Variants in AUH observed in about 807,000 individuals in gnomAD.
The protein encoded by AUH is methylglutaconyl-CoA hydratase, mitochondrial.
AUH carries 29 observed loss-of-function variants against 42.3 expected under a neutral mutation model. The ratio of observed to expected loss-of-function variants is 0.69; its 90% CI spans 0.51 to 0.93. The LOEUF is 0.93. Ranked by LOEUF, AUH falls within the 40% of genes least tolerant of loss-of-function variation. AUH has a pLI of 0.00. For missense variants in AUH, 452 were observed against 438.1 expected (o/e 1.03, Z -0.28); for synonymous variants, 174 against 166.4 (o/e 1.05, Z -0.35).
At chr9:91,248,447 A>T (rs1828915894) in intron 6 of AUH, among the ~76,000 whole-genome samples, 1 of 152,242 alleles carries the variant, frequency 6.6e-6, no homozygotes. Flanking sequence ...AGTTCCTAAC[A>T]ATATTGGATT....
chr9:91,251,806 A>G (rs1371826657), intron 6 of AUH, among the ~76,000 whole-genome samples: 1 of 150,102 alleles, frequency 6.7e-6, no homozygotes, highest in Non-Finnish European at 1.5e-5. Context: ...TTATGTAATT[A>G]TAATGTGGTA....
chr9:91,235,537 T>C (rs1215272595), intron 6 of AUH, among the ~76,000 whole-genome samples: 1 of 152,090 alleles, frequency 6.6e-6, no homozygotes, highest in Non-Finnish European at 1.5e-5. Context: ...ACACAGAGAA[T>C]AAGGTTTACC....
At chr9:91,238,421 A>G (rs1214785840) in intron 6 of AUH, among the ~76,000 whole-genome samples, 1 of 152,214 alleles carries the variant, frequency 6.6e-6, no homozygotes, top group East Asian at 1.9e-4. Context: ...GAACTTGGCC[A>G]TGTGTAGCTG....
chr9:91,255,812 TTTA>T (rs1829376439), intron 6 of AUH, among the ~76,000 whole-genome samples: 1 of 152,162 alleles, frequency 6.6e-6, no homozygotes, highest in Non-Finnish European at 1.5e-5. Context: ...AGAAATGACA[TTTA>T]TTATTTATAA....
chr9:91,232,967 A>T (rs1197148546), intron 6 of AUH, among the ~76,000 whole-genome samples: 1 of 152,154 alleles, frequency 6.6e-6, no homozygotes, highest in Non-Finnish European at 1.5e-5. Context: ...GTTGTTTAGG[A>T]CCATTTTGGA....
intron 6 of AUH, among the ~76,000 whole-genome samples, chr9:91,271,073 A>G (rs1270873993): frequency 6.6e-6 from 1 of 152,204 alleles, no homozygotes; most frequent in Non-Finnish European, 1.5e-5. Flanking sequence ...CTTTAAAATA[A>G]TAATTTTTAA....
intron 6 of AUH, among the ~76,000 whole-genome samples, chr9:91,229,612 T>G (rs1381771120): frequency 1.9e-4 from 29 of 152,024 alleles, no homozygotes; most frequent in Middle Eastern, 3.4e-3. Context: ...GTTAGCTGGT[T>G]ATTTTGCTCG....
chr9:91,217,221 TA>T, intron 8 of AUH, 55 bp downstream of exon 8: 1 of 1,529,600 alleles, frequency 6.5e-7, no homozygotes, highest in Non-Finnish European at 9.0e-7. Flanking sequence ...ATGGTTCATT[TA>T]AATTAAATCT....
rs993741109 is a variant in AUH, at chr9:91,225,757, G to A, written c.656-4765C>T. On this transcript the variant is annotated intron_variant, in intron 6 of 9. Transcript: ENST00000375731. ...TGATTGTTCCCCTTCCTGTGTCCAC[G>A]TGGTCTCATTGTTCAATTCCCACCT... Among the ~76,000 whole-genome samples the A allele has an allele frequency of 4.2e-5, 6 of 141,676 alleles. No individual in the cohort carries two copies. In the South Asian group the frequency reaches 6.6e-4, roughly 16 times the overall value. The allele number at this position is 141,676 out of a possible 152,430, so 92.9% of individuals were successfully genotyped here.
At chr9:91,272,716 G>A (rs540211296) in intron 6 of AUH, among the ~76,000 whole-genome samples, 1 of 152,208 alleles carries the variant, frequency 6.6e-6, no homozygotes, top group South Asian at 2.1e-4. Flanking sequence ...GCTCTATGAA[G>A]GCTGGGGGTT....
chr9:91,219,435 G>A (rs371917086), intron 7 of AUH, among the ~76,000 whole-genome samples: 4 of 152,314 alleles, frequency 2.6e-5, no homozygotes, highest in East Asian at 3.9e-4. Flanking sequence ...ATACTCTCCT[G>A]ATACTTGTAC....
intron 3 of AUH, among the ~76,000 whole-genome samples, chr9:91,342,273 G>T (rs964273754): frequency 6.6e-6 from 1 of 152,130 alleles, no homozygotes; most frequent in African/African-American, 2.4e-5. Context: ...GCTTCCTGTT[G>T]TCATTTCTCC....
intron 6 of AUH, among the ~76,000 whole-genome samples, chr9:91,266,865 G>A (rs1032159564): frequency 6.6e-6 from 1 of 152,172 alleles, no homozygotes; most frequent in African/African-American, 2.4e-5. Context: ...TATATTTTAA[G>A]GGTTAGATAG....
At chr9:91,289,346 C>T (rs879438122) in intron 6 of AUH, among the ~76,000 whole-genome samples, 10 of 152,114 alleles carry the variant, frequency 6.6e-5, no homozygotes, top group Non-Finnish European at 1.3e-4. Context: ...TTTGAATTCT[C>T]CCCACTTATT....
chr9:91,343,143 T>A (rs1831229906), intron 3 of AUH: 1 of 152,152 alleles, frequency 6.6e-6, no homozygotes, highest in Non-Finnish European at 1.5e-5. Context: ...AGAAGTCAAG[T>A]TATAGGAGGA....
intron 6 of AUH, among the ~76,000 whole-genome samples, chr9:91,276,979 G>C (rs1469139768): frequency 6.6e-6 from 1 of 152,148 alleles, no homozygotes; most frequent in African/African-American, 2.4e-5. Flanking sequence ...GAGCCCAGGA[G>C]CTCAAGACCA....
intron 6 of AUH, among the ~76,000 whole-genome samples, chr9:91,280,668 A>T (rs1392710342): frequency 1.3e-5 from 2 of 152,226 alleles, no homozygotes; most frequent in African/African-American, 2.4e-5. Context: ...CTTTGAAGTT[A>T]ATCTCATTCT....
intron 3 of AUH, among the ~76,000 whole-genome samples, chr9:91,340,640 TAC>T: frequency 1.3e-5 from 2 of 152,198 alleles, no homozygotes; most frequent in South Asian, 4.1e-4. Context: ...CTATGAGTTG[TAC>T]AACTGTTTCC....
intron 3 of AUH, among the ~76,000 whole-genome samples, chr9:91,339,858 C>G (rs1830972345): frequency 6.6e-6 from 1 of 152,154 alleles, no homozygotes; most frequent in Non-Finnish European, 1.5e-5. Flanking sequence ...AGACACCTGA[C>G]AGACTGGTAG....
Sources: allele counts gnomAD v4.1 joint callset (sites outside exome capture counted in the v4.1 genomes callset), GRCh38; gene constraint gnomAD v4.1.1; transcripts MANE v1.5; gene names NCBI Gene and HGNC (gene_info 2026-07-23, HGNC 2026-07-21).